Variants in FSHR observed in about 807,000 individuals in gnomAD.
FSHR encodes follicle stimulating hormone receptor, also known as follicle-stimulating hormone receptor.
In FSHR, 46 loss-of-function variants were observed where a neutral mutation model predicts 52.1. That is an observed-to-expected ratio of 0.88 (90% CI 0.70 to 1.13). The LOEUF (loss-of-function observed/expected upper bound fraction) is 1.13. Among genes scored for constraint, FSHR ranks in the 50% most tolerant of loss-of-function variants. The pLI is 0.00. For synonymous variants in FSHR, 399 were observed against 309.6 expected, an observed-to-expected ratio of 1.29 and a Z score of -3.03; for missense variants, 964 against 834.6, an observed-to-expected ratio of 1.16 and a Z score of -1.91.
At chr2:49,027,127 A>G (rs975225749) in intron 2 of FSHR, among the ~76,000 whole-genome samples, 1 of 152,154 alleles carries the variant, frequency 6.6e-6, no homozygotes, top group African/African-American at 2.4e-5. Context: ...TTCTGCTGCC[A>G]TCTCCAACTT....
chr2:49,039,879 G>A (rs943185323), intron 2 of FSHR, among the ~76,000 whole-genome samples: 1 of 151,604 alleles, frequency 6.6e-6, no homozygotes, highest in East Asian at 1.9e-4. Flanking sequence ...ATCTTATGGT[G>A]GAATTATGTA....
At chr2:49,022,368 G>C (rs541716364) in intron 2 of FSHR, among the ~76,000 whole-genome samples, 5 of 152,158 alleles carry the variant, frequency 3.3e-5, no homozygotes, top group Non-Finnish European at 5.9e-5. Flanking sequence ...ACAGTACCAG[G>C]TGTTAGGGTT....
At chr2:48,986,197 G>C (rs917310000) in intron 6 of FSHR, among the ~76,000 whole-genome samples, 5 of 152,042 alleles carry the variant, frequency 3.3e-5, no homozygotes, top group African/African-American at 7.2e-5. Context: ...TCATTGTTTA[G>C]CTCTTACAAG....
intron 2 of FSHR, among the ~76,000 whole-genome samples, chr2:49,061,725 AAAATAT>A (rs1669306480): frequency 7.2e-6 from 1 of 139,316 alleles, no homozygotes; most frequent in Non-Finnish European, 1.5e-5. Flanking sequence ...ACTATATATA[AAAATAT>A]ATAGCTATTT....
intron 4 of FSHR, among the ~76,000 whole-genome samples, chr2:49,001,039 C>A (rs1016732919): frequency 1.2e-4 from 19 of 152,144 alleles, no homozygotes; most frequent in African/African-American, 4.3e-4. Context: ...TTTACAATAG[C>A]CTTCTAAGGT....
At chr2:49,136,747 T>C (rs1322246902) in intron 1 of FSHR, among the ~76,000 whole-genome samples, 1 of 152,134 alleles carries the variant, frequency 6.6e-6, no homozygotes, top group Non-Finnish European at 1.5e-5. Context: ...ATTACATCAA[T>C]ATAAATAAAA....
chr2:49,045,659 G>A (rs1668629775), intron 2 of FSHR, among the ~76,000 whole-genome samples: 2 of 152,116 alleles, frequency 1.3e-5, no homozygotes, highest in Non-Finnish European at 2.9e-5. Flanking sequence ...TTTTATTAAT[G>A]GATACACCTT....
intron 2 of FSHR, among the ~76,000 whole-genome samples, chr2:49,025,995 G>T (rs772645318): frequency 1.9e-4 from 29 of 152,278 alleles, no homozygotes; most frequent in Middle Eastern, 3.4e-3. Context: ...TGAGGATGTT[G>T]CCACAAGGCT....
At chr2:48,967,144 G>A (rs1042946949) in intron 9 of FSHR, among the ~76,000 whole-genome samples, 3 of 152,160 alleles carry the variant, frequency 2.0e-5, no homozygotes, top group Admixed American at 6.6e-5. Flanking sequence ...TGCCCAGGCT[G>A]AAGTACAGTG....
In FSHR at chr2:48,963,834, C is replaced by A. The variant is rs6168; in HGVS notation, c.987G>T (p.Thr329=). ...ESSYSRGFDM[T]YTEFDYDLCN... ...ATAAGTCATAGTCAAACTCAGTGTACGTCATGTCAAATCCTCTGCTGTAGC... is the reference window on the plus strand; with the variant it reads ...ATAAGTCATAGTCAAACTCAGTGTAAGTCATGTCAAATCCTCTGCTGTAGC... The change falls in exon 10 of 10, where the codon ACG becomes ACT. Residue 329 remains threonine, a synonymous_variant. Coordinates refer to ENST00000406846, the MANE Select transcript of FSHR (RefSeq NM_000145.4). 8 of 1,613,990 alleles carry A rather than the reference C, an allele frequency of 5.0e-6. No homozygotes were observed. The highest frequency in any genetic ancestry group is 1.6e-4 in the Middle Eastern group (1 of 6,084).
intron 4 of FSHR, among the ~76,000 whole-genome samples, chr2:49,010,616 CT>C (rs1559132013): frequency 6.7e-6 from 1 of 149,088 alleles, no homozygotes; most frequent in Non-Finnish European, 1.5e-5. Flanking sequence ...CCAGTTCCTC[CT>C]TGTACCTCTG....
chr2:49,127,830 C>CTCTTCTTCTTCTTCT (rs869083755), intron 1 of FSHR, among the ~76,000 whole-genome samples: 2 of 21,054 alleles, frequency 9.5e-5, no homozygotes, highest in Admixed American at 6.1e-4. Context: ...CTTCTTCTTC[C>CTCTTCTTCTTCTTCT]TCTTCTTCTT....
chr2:49,084,231 GC>G (rs1445333232), intron 1 of FSHR, among the ~76,000 whole-genome samples: 1 of 141,638 alleles, frequency 7.1e-6, no homozygotes, highest in Non-Finnish European at 1.6e-5. Flanking sequence ...TGAACAACCT[GC>G]CCCTGAATGA....
intron 2 of FSHR, among the ~76,000 whole-genome samples, chr2:49,062,953 AT>A (rs140339079): frequency 1.1e-4 from 16 of 152,270 alleles, no homozygotes; most frequent in Non-Finnish European, 2.2e-4. Context: ...GGATGTAGAG[AT>A]AGGGGAACTC....
intron 1 of FSHR, among the ~76,000 whole-genome samples, chr2:49,075,088 A>G (rs1055618958): frequency 6.6e-6 from 1 of 152,168 alleles, no homozygotes; most frequent in African/African-American, 2.4e-5. Context: ...ATACAAAATT[A>G]TAGCTAGATA....
chr2:49,105,012 A>T (rs1362248307), intron 1 of FSHR, among the ~76,000 whole-genome samples: 1 of 152,164 alleles, frequency 6.6e-6, no homozygotes, highest in Non-Finnish European at 1.5e-5. Context: ...AACTCTTTTG[A>T]GTTGAGAAAT....
At chr2:49,150,036 T>C (rs577877367) in intron 1 of FSHR, among the ~76,000 whole-genome samples, 21 of 152,206 alleles carry the variant, frequency 1.4e-4, no homozygotes, top group African/African-American at 5.1e-4. Context: ...AAATTTCAGA[T>C]GTAGAATGGG....
chr2:49,038,650 TAATAATAATAATA>T (rs1668378958), intron 2 of FSHR, among the ~76,000 whole-genome samples: 1 of 118,738 alleles, frequency 8.4e-6, no homozygotes, highest in Non-Finnish European at 1.8e-5. Flanking sequence ...ATAATAATAA[TAATAATAATAATA>T]ATAATAATAC....
chr2:48,997,653 C>T (rs1676083383), intron 4 of FSHR, among the ~76,000 whole-genome samples: 1 of 152,082 alleles, frequency 6.6e-6, no homozygotes. Flanking sequence ...CCTTTTAGGA[C>T]AACTTAGCCC....
Sources: allele counts gnomAD v4.1 joint callset (sites outside exome capture counted in the v4.1 genomes callset), GRCh38; gene constraint gnomAD v4.1.1; transcripts MANE v1.5; gene names NCBI Gene and HGNC (gene_info 2026-07-23, HGNC 2026-07-21).